Variants in ACAP2 observed in about 807,000 individuals in gnomAD.
The protein encoded by ACAP2 is arf-GAP with coiled-coil, ANK repeat and PH domain-containing protein 2.
ACAP2 carries 39 observed loss-of-function variants against 115.8 expected under a neutral mutation model. The observed-to-expected ratio is 0.34, with a 90% CI of 0.26 to 0.44. ACAP2 has a LOEUF of 0.44. Ranked by LOEUF, ACAP2 falls within the 20% of genes least tolerant of loss-of-function variation. The pLI is 1.00. For synonymous variants in ACAP2, 289 were observed against 315.8 expected (o/e 0.92, Z 0.90); for missense variants, 662 against 927.6 (o/e 0.71, Z 3.72).
chr3:195,360,507 C>T (rs1005663656), intron 4 of ACAP2, among the ~76,000 whole-genome samples: 3 of 152,174 alleles, frequency 2.0e-5, no homozygotes, highest in Non-Finnish European at 4.4e-5. Context: ...ACTTAATCTG[C>T]ACTACAGGCC....
intron 10 of ACAP2, among the ~76,000 whole-genome samples, chr3:195,313,721 G>A (rs1560232246): frequency 1.3e-5 from 2 of 152,262 alleles, no homozygotes; most frequent in East Asian, 3.9e-4. Flanking sequence ...AACAAAGACT[G>A]AGCATAGCAA....
intron 4 of ACAP2, among the ~76,000 whole-genome samples, chr3:195,366,328 T>C (rs1732721548): frequency 6.6e-6 from 1 of 152,242 alleles, no homozygotes; most frequent in Non-Finnish European, 1.5e-5. Flanking sequence ...ATGATTCTGT[T>C]ATACAAACAT....
rs1039929416 is a variant in ACAP2 at position 195,442,988 on chromosome 3, AT to A, written c.-142del. On this transcript the variant is annotated 5_prime_UTR_variant, in exon 1 of 23. The change abolishes an upstream ATG in the 5' untranslated region. Coordinates refer to ENST00000326793, the MANE Select transcript of ACAP2 (RefSeq NM_012287.6). ...GCGAAGGGCGCCTCGCCCGCTGGTC[AT>A]AGCAGCCGCGAAGACGGCGACGACT... 5.7e-5 allele frequency: 39 copies of A among 689,320 alleles called. No individual in the cohort carries two copies. The highest frequency in any genetic ancestry group is 8.0e-5 in the Non-Finnish European group (36 of 450,914). The allele number at this position is 689,320 out of a possible 1,614,324, so 42.7% of individuals were successfully genotyped here.
rs181234063 is a variant in ACAP2 at position 195,371,861 on chromosome 3, C to T, written c.285+9148G>A. Among the ~76,000 whole-genome samples the T allele has an allele frequency of 5.3e-5, 8 of 152,214 alleles. No homozygotes were observed. In the East Asian group the frequency reaches 9.7e-4, roughly 18 times the overall value. On this transcript the variant is annotated intron_variant, in intron 4 of 22. Coordinates refer to ENST00000326793, the MANE Select transcript of ACAP2 (RefSeq NM_012287.6). ...ATTTTTAGTAGAGATGGGGTTTTGCCATGCCCAGGCTGGTCTCAAACTCCT... is the reference window on the plus strand; with the variant it reads ...ATTTTTAGTAGAGATGGGGTTTTGCTATGCCCAGGCTGGTCTCAAACTCCT...
At chr3:195,381,723 A>G (rs1246858009) in intron 3 of ACAP2, among the ~76,000 whole-genome samples, 180 bp downstream of exon 3, 2 of 152,162 alleles carry the variant, frequency 1.3e-5, no homozygotes, top group African/African-American at 4.8e-5. Context: ...CGCAATGCAA[A>G]TCAACCATCA....
chr3:195,344,222 T>C (rs940733431), intron 5 of ACAP2, among the ~76,000 whole-genome samples: 1 of 151,876 alleles, frequency 6.6e-6, no homozygotes, highest in Non-Finnish European at 1.5e-5. Flanking sequence ...TGTCTCTATA[T>C]TTAAAAAAGA....
chr3:195,286,142 T>C (rs1227995009), intron 21 of ACAP2, among the ~76,000 whole-genome samples: 2 of 152,222 alleles, frequency 1.3e-5, no homozygotes, highest in African/African-American at 4.8e-5. Context: ...TTCCTCCAGA[T>C]GCCTGACAAT....
At chr3:195,315,690 T>A (rs1729041086) in intron 10 of ACAP2, among the ~76,000 whole-genome samples, 1 of 152,198 alleles carries the variant, frequency 6.6e-6, no homozygotes, top group Non-Finnish European at 1.5e-5. Flanking sequence ...AATCTATGAT[T>A]CTAGTCAATA....
At chr3:195,363,477 T>C (rs1732506554) in intron 4 of ACAP2, among the ~76,000 whole-genome samples, 1 of 152,076 alleles carries the variant, frequency 6.6e-6, no homozygotes, top group Admixed American at 6.6e-5. Flanking sequence ...ACTCCGTCTC[T>C]ACTAAAAATA....
At chr3:195,425,026 C>CAAAAAAAAAAAAAAAAA (rs10690317) in intron 1 of ACAP2, among the ~76,000 whole-genome samples, 1 of 26,644 alleles carries the variant, frequency 3.8e-5, no homozygotes, top group African/African-American at 1.2e-4. Context: ...GACTCCGTCT[C>CAAAAAAAAAAAAAAAAA]AAAAAAAAAA....
chr3:195,324,195 C>T (rs1161882912), intron 9 of ACAP2, among the ~76,000 whole-genome samples: 1 of 151,996 alleles, frequency 6.6e-6, no homozygotes, highest in East Asian at 1.9e-4. Flanking sequence ...ATATAAGATG[C>T]CCATTAGTCA....
At chr3:195,432,979 G>A (rs544928928) in intron 1 of ACAP2, among the ~76,000 whole-genome samples, 5 of 152,084 alleles carry the variant, frequency 3.3e-5, no homozygotes, top group African/African-American at 4.8e-5. Context: ...TGATCTTATA[G>A]ACTACATCCT....
chr3:195,404,708 T>TA (rs1712596492), intron 1 of ACAP2, among the ~76,000 whole-genome samples: 1 of 149,480 alleles, frequency 6.7e-6, no homozygotes, highest in Admixed American at 6.7e-5. Context: ...CATATATAGT[T>TA]TATATACACA....
intron 10 of ACAP2, among the ~76,000 whole-genome samples, chr3:195,314,926 T>C (rs988390527): frequency 6.6e-6 from 1 of 152,254 alleles, no homozygotes; most frequent in African/African-American, 2.4e-5. Context: ...AAGTAACATT[T>C]AAAAGATTAC....
intron 1 of ACAP2, among the ~76,000 whole-genome samples, chr3:195,437,011 GAC>G (rs1187037721): frequency 1.3e-5 from 2 of 152,104 alleles, no homozygotes; most frequent in Non-Finnish European, 2.9e-5. Flanking sequence ...TATGATAAAA[GAC>G]ACCATAAACA....
At chr3:195,421,413 T>C (rs928156305) in intron 1 of ACAP2, among the ~76,000 whole-genome samples, 4 of 152,214 alleles carry the variant, frequency 2.6e-5, no homozygotes, top group Non-Finnish European at 5.9e-5. Flanking sequence ...TCATCCGTTA[T>C]CTTTCTTAGG....
At chr3:195,294,221 C>T (rs562879070) in intron 18 of ACAP2, among the ~76,000 whole-genome samples, 1 of 152,092 alleles carries the variant, frequency 6.6e-6, no homozygotes, top group East Asian at 1.9e-4. Flanking sequence ...GAAATCGCTG[C>T]TTTCTCATTT....
intron 10 of ACAP2, among the ~76,000 whole-genome samples, chr3:195,311,141 A>C (rs576084880): frequency 6.7e-5 from 10 of 148,802 alleles, no homozygotes; most frequent in African/African-American, 2.2e-4. Context: ...CTGTCACCCA[A>C]GCTGGAGTGC....
At chr3:195,330,888 C>T (rs546281253) in intron 8 of ACAP2, among the ~76,000 whole-genome samples, 3 of 152,246 alleles carry the variant, frequency 2.0e-5, no homozygotes, top group Non-Finnish European at 4.4e-5. Context: ...TCCTTCTTCC[C>T]ATTAGCTGGA....
Sources: allele counts gnomAD v4.1 joint callset (sites outside exome capture counted in the v4.1 genomes callset), GRCh38; gene constraint gnomAD v4.1.1; transcripts MANE v1.5; gene names NCBI Gene and HGNC (gene_info 2026-07-23, HGNC 2026-07-21).